AGRN: variants seen among roughly 807,000 people sequenced by gnomAD.
AGRN encodes agrin proteoglycan.
AGRN carries 106 observed loss-of-function variants against 211.0 expected under a neutral mutation model. That is an observed-to-expected ratio of 0.50 (90% CI 0.43 to 0.59). AGRN has a LOEUF of 0.59. Among genes scored for constraint, AGRN ranks in the 20% least tolerant of loss-of-function variants. The probability of loss-of-function intolerance (pLI) is 0.00; values close to 1 mark genes in which losing one functional copy is unlikely to be tolerated. For missense variants in AGRN, 3,040 were observed against 2,982.6 expected (o/e 1.02, Z -0.45); for synonymous variants, 1,525 against 1,332.5 (o/e 1.14, Z -3.15).
chr1:1,035,478 G>A (rs778437930), intron 3 of AGRN, among the ~76,000 whole-genome samples, 154 bp downstream of exon 3: 21 of 152,222 alleles, frequency 1.4e-4, no homozygotes, highest in Non-Finnish European at 2.6e-4. Flanking sequence ...AGTCCGCAGC[G>A]GTGGGCCGCA....
rs752337351 is a variant in AGRN at position 1,050,345 on chromosome 1, G to A, written c.4976+16G>A. On this transcript the variant is annotated intron_variant, in intron 28 of 35. Coordinates refer to ENST00000379370, the MANE Select transcript of AGRN (RefSeq NM_198576.4). Reference sequence around the variant, plus strand: ...GGGACCTGGGGTCGGTGGGGCAGGAGCAGGGGGAAGGGCCGGCCCCCACCT... The same window carrying A: ...GGGACCTGGGGTCGGTGGGGCAGGAACAGGGGGAAGGGCCGGCCCCCACCT... 1 of 1,612,780 alleles carries A rather than the reference G, an allele frequency of 6.2e-7. No individual in the cohort carries two copies. The highest frequency in any genetic ancestry group is 1.7e-5 in the Admixed American group (1 of 60,006).
Position 1,053,953 on chromosome 1 carries a change from G to T in AGRN, c.5852G>T (p.Arg1951Leu), listed in dbSNP as rs141914965. The change falls in exon 34 of 36, where the codon CGC (arginine) becomes CTC (leucine). Residue 1951 changes from arginine (R) to leucine (L), a missense_variant. This residue lies in a region of AGRN where 1,537 missense variants were observed against 1,505.0 expected (regional missense o/e 1.02). Transcript: ENST00000379370. ...TCCACCGTGCCCGTCAACACCAACCGCTGGTTGCGGGTCGTGGCACATAGG... is the reference window on the plus strand; with the variant it reads ...TCCACCGTGCCCGTCAACACCAACCTCTGGTTGCGGGTCGTGGCACATAGG... The part of the protein sequence containing the change: ...LRSTVPVNTN[R>L]WLRVVAHREQ... 2.5e-6 allele frequency: 4 copies of T among 1,602,424 alleles called. No individual in the cohort carries two copies. Among genetic ancestry groups the T allele is most frequent in the Middle Eastern group, 1.9e-4 (1 of 5,266 alleles).
chr1:1,052,514 CGTGT>C (rs34235844), intron 33 of AGRN: 14 of 205,110 alleles, frequency 6.8e-5, no homozygotes, highest in African/African-American at 2.4e-4. Context: ...GGTATGTGTC[CGTGT>C]GTGTGTGTGT....
rs1328616621 is a variant in AGRN at position 1,040,774 on chromosome 1, G to A, written c.621G>A (p.Ala207=). Residue 207 remains alanine, a synonymous_variant, in exon 4 of 36, where the codon GCG becomes GCA. Coordinates refer to ENST00000379370, the MANE Select transcript of AGRN (RefSeq NM_198576.4). ...AGAGCCCGTGCCCCAGCGTGGTGGC[G>A]CCTGTGTGTGGGTCGGACGCCTCCA... ...CKKSPCPSVV[A]PVCGSDASTY... is the part of the protein sequence containing the mutation. 6.5e-7 allele frequency: 1 copy of A among 1,540,852 alleles called. No homozygotes were observed. The highest frequency in any genetic ancestry group is 8.7e-7 in the Non-Finnish European group (1 of 1,147,516).
chr1:1,024,338 C>T (rs1307009410), intron 2 of AGRN, among the ~76,000 whole-genome samples: 2 of 152,000 alleles, frequency 1.3e-5, no homozygotes, highest in Non-Finnish European at 2.9e-5. Context: ...GGGTCCATCT[C>T]CTGCTCTGTA....
chr1:1,026,330 G>A (rs1644520737), intron 2 of AGRN, among the ~76,000 whole-genome samples: 1 of 152,152 alleles, frequency 6.6e-6, no homozygotes, highest in African/African-American at 2.4e-5. Flanking sequence ...GTTAGGGTGA[G>A]GACAGGTTCC....
rs574944819 is a variant in AGRN, at chr1:1,041,506, G to A, written c.981G>A (p.Pro327=). 1.9e-6 allele frequency: 3 copies of A among 1,598,838 alleles called. No homozygotes were observed. The highest frequency in any genetic ancestry group is 2.2e-5 in the East Asian group (1 of 44,712). ...CCTGTCAGGGCGCCCTCCCTGACCC[G>A]AGCCGCAGCTGCCGTGTGAACCCGC... ...CDPCQGALPD[P]SRSCRVNPRT... The change falls in exon 6 of 36, where the codon CCG becomes CCA. Residue 327 remains proline, a synonymous_variant. Coordinates refer to ENST00000379370, the MANE Select transcript of AGRN (RefSeq NM_198576.4).
At position 1,041,700 on chromosome 1, in the gene AGRN, G is replaced by A. The variant is rs1644943949; in HGVS notation, c.1175G>A (p.Arg392Gln). 2 of 1,607,024 alleles carry A rather than the reference G, an allele frequency of 1.2e-6. No individual in the cohort carries two copies. Among genetic ancestry groups the A allele is most frequent in the South Asian group, 1.1e-5 (1 of 90,602 alleles). Residue 392 changes from arginine to glutamine, a missense_variant and splice_region_variant, in exon 6 of 36, where the codon CGA becomes CAA. Transcript: ENST00000379370. ...GTGCGCTCCGGCCAGTGCCAGGGTC[G>A]AGGTGAGCGGCTCCCCCGGGGGAGG... ...QKVRSGQCQG[R>Q]DQCPEPCRFN...
chr1:1,047,850 G>T lies in AGRN; in HGVS notation c.3706G>T (p.Gly1236Trp). Residue 1236 changes from glycine (G) to tryptophan (W), a missense_variant, in exon 22 of 36, where the codon GGG (glycine) becomes TGG (tryptophan). By Grantham distance (184) the Gly-to-Trp change is radical. This residue lies in a region of AGRN where 1,537 missense variants were observed against 1,505.0 expected (regional missense o/e 1.02). Transcript: ENST00000379370. ...QIQVSRRRSL[G>W]VRRPLQEHVR... ...CCAGGTGTCCAGGCGCCGGTCCTTGGGGGTGAGGCGGCCGCTGCAGGAGCA... is the reference window on the plus strand; with the variant it reads ...CCAGGTGTCCAGGCGCCGGTCCTTGTGGGTGAGGCGGCCGCTGCAGGAGCA... 6.2e-7 allele frequency: 1 copy of T among 1,605,958 alleles called. No individual in the cohort carries two copies. The highest frequency in any genetic ancestry group is 8.5e-7 in the Non-Finnish European group (1 of 1,177,082).
chr1:1,053,247 T>G, intron 33 of AGRN: 1 of 344,788 alleles, frequency 2.9e-6, no homozygotes, highest in Non-Finnish European at 5.5e-6. Flanking sequence ...GTGTCTCGTG[T>G]CTGCACGTGG....
rs1264342556 is a variant in AGRN, at chr1:1,020,329, G to A, written c.157G>A (p.Glu53Lys). The A allele has an allele frequency of 6.7e-7, 1 of 1,494,244 alleles. No homozygotes were observed. The highest frequency in any genetic ancestry group is 8.9e-7 in the Non-Finnish European group (1 of 1,120,686). 92.6% of individuals were successfully genotyped at this position (1,494,244 alleles called of 1,614,324 possible). A position where few individuals can be genotyped will look rare whatever the true frequency, so the allele number is the denominator to read the frequency against. ...CGTGGTGCTCACCGGGACGGTGGAGGAGATCCTCAACGTGGACCCGGTGCA... is the reference window on the plus strand; with the variant it reads ...CGTGGTGCTCACCGGGACGGTGGAGAAGATCCTCAACGTGGACCCGGTGCA... ...ANVVLTGTVE[E>K]ILNVDPVQHT... Residue 53 changes from glutamate to lysine, a missense_variant, in exon 1 of 36, where the codon GAG (glutamate) becomes AAG (lysine). Physicochemically the swap from Glu to Lys is moderately conservative, Grantham distance 56. Coordinates refer to ENST00000379370, the MANE Select transcript of AGRN (RefSeq NM_198576.4).
In AGRN at chr1:1,040,650, C is replaced by G. The variant is rs1453263042; in HGVS notation, c.512-15C>G. ...GCGTCTCGGCACCCTGAGCTTTCTC[C>G]CCTACCCGCCCCAGCGTGCCGGGGA... On this transcript the variant is annotated splice_polypyrimidine_tract_variant and intron_variant, in intron 3 of 35. Coordinates refer to ENST00000379370, the MANE Select transcript of AGRN (RefSeq NM_198576.4). 6.5e-7 allele frequency: 1 copy of G among 1,546,934 alleles called. No homozygotes were observed. Among genetic ancestry groups the G allele is most frequent in the Admixed American group, 2.0e-5 (1 of 50,960 alleles).
intron 2 of AGRN, chr1:1,034,971 G>C: frequency 1.9e-6 from 1 of 522,948 alleles, no homozygotes; most frequent in Non-Finnish European, 3.4e-6. Flanking sequence ...TTGGGGGTAG[G>C]GCAGGACCTG....
intron 7 of AGRN, 43 bp downstream of exon 7, chr1:1,042,205 T>C (rs1644964034): frequency 1.3e-6 from 2 of 1,560,128 alleles, no homozygotes; most frequent in Non-Finnish European, 1.7e-6. Context: ...GGGCTGCTCC[T>C]GCGTCAGTCC....
Position 1,054,999 on chromosome 1 carries a change from G to A in AGRN, c.*18G>A, listed in dbSNP as rs1022051904. 3.7e-5 allele frequency: 57 copies of A among 1,547,508 alleles called. No homozygotes were observed. Among genetic ancestry groups the A allele is most frequent in the African/African-American group, 1.4e-4 (10 of 73,108 alleles). ...CCCCATGAGCTGGCACCAGAGCCCC[G>A]CGCCCGCTGTAATTATTTTCTATTT... On this transcript the variant is annotated 3_prime_UTR_variant, in exon 36 of 36. Transcript: ENST00000379370.
At chr1:1,025,111 G>A (rs1278133491) in intron 2 of AGRN, among the ~76,000 whole-genome samples, 1 of 152,180 alleles carries the variant, frequency 6.6e-6, no homozygotes, top group Non-Finnish European at 1.5e-5. Context: ...AGGCCGCCCG[G>A]GGCCCATCCC....
At position 1,043,806 on chromosome 1, in the gene AGRN, G is replaced by T; in HGVS notation, c.1799-17G>T. The T allele has an allele frequency of 6.2e-7, 1 of 1,609,738 alleles. No individual in the cohort carries two copies. On this transcript the variant is annotated splice_polypyrimidine_tract_variant and intron_variant, in intron 9 of 35. Transcript: ENST00000379370. ...AGCCTGGGCCTGCCGACCCCTGCCT[G>T]GCTCTGTCTCCTGCAGAGACCTGTG... is the stretch of plus-strand genomic sequence containing the variant.
At position 1,040,681 on chromosome 1, in the gene AGRN, G is replaced by T. The variant is rs1045582777; in HGVS notation, c.528G>T (p.Leu176=). The T allele has an allele frequency of 6.5e-7, 1 of 1,547,624 alleles. No homozygotes were observed. Among genetic ancestry groups the T allele is most frequent in the South Asian group, 1.2e-5 (1 of 83,984 alleles). The change falls in exon 4 of 36, where the codon CTG becomes CTT. Residue 176 remains leucine (L), a synonymous_variant. Transcript: ENST00000379370. ...CCGCCCCAGCGTGCCGGGGAATGCT[G>T]TGCGGCTTCGGCGCCGTGTGCGAGC... ...PTPPDACRGM[L]CGFGAVCEPN...
chr1:1,055,692 C>T lies in AGRN; in HGVS notation c.*711C>T, dbSNP rs938340211. ...GGATGGGGTTGACCTCTGCCGCCTGCCTGGGTATCTGGGCCTGGCCATGGC... is the reference window on the plus strand; with the variant it reads ...GGATGGGGTTGACCTCTGCCGCCTGTCTGGGTATCTGGGCCTGGCCATGGC... On this transcript the variant is annotated 3_prime_UTR_variant, in exon 36 of 36. Transcript: ENST00000379370. 1 of 155,288 alleles carries T rather than the reference C, an allele frequency of 6.4e-6. No homozygotes were observed. Among genetic ancestry groups the T allele is most frequent in the African/African-American group, 2.4e-5 (1 of 41,478 alleles). The allele number at this position is 155,288 out of a possible 1,614,324, so 9.6% of individuals were successfully genotyped here.
Sources: gnomAD v4.1 joint callset for allele counts (sites outside exome capture counted in the v4.1 genomes callset) on GRCh38, gnomAD v4.1.1 for gene constraint, gnomAD v4.1.1 regional missense constraint, MANE v1.5 for transcripts, NCBI Gene and HGNC (gene_info 2026-07-23, HGNC 2026-07-21) for gene names.